Variants in AFF3 observed in about 807,000 individuals in gnomAD.
AFF3 encodes ALF transcription elongation factor 3.
AFF3 carries 32 observed loss-of-function variants against 129.7 expected under a neutral mutation model. That is an observed-to-expected ratio of 0.25 (90% CI 0.19 to 0.33). The LOEUF is 0.33. AFF3 is among the 10% of genes least tolerant of loss of function. AFF3 has a pLI of 1.00. For synonymous variants in AFF3, 644 were observed against 635.4 expected (o/e 1.01, Z -0.20); for missense variants, 1,373 against 1,592.0 (o/e 0.86, Z 2.34).
intron 8 of AFF3, among the ~76,000 whole-genome samples, chr2:99,811,416 TTTGG>T (rs1478257374): frequency 2.0e-5 from 3 of 152,114 alleles, no homozygotes; most frequent in African/African-American, 4.8e-5. Context: ...ACAGAGGTTT[TTTGG>T]TTTTTTTTTC....
In AFF3 at chr2:99,860,552, T is replaced by TCAAAAAACAAAAAA. The variant is rs57117369; in HGVS notation, c.874-23042_874-23029dup. Among the ~76,000 whole-genome samples, 6 of 148,814 alleles carry TCAAAAAACAAAAAA rather than the reference T, an allele frequency of 4.0e-5. No individual in the cohort carries two copies. The East Asian group carries it at 8.1e-4, about 20-fold the overall frequency. ...CAGGGCGACAGAGTGAGACTCTGTC[T>TCAAAAAACAAAAAA]CAAAAAACAAAAAACAAACAAAAAA... On this transcript the variant is annotated intron_variant, in intron 7 of 24. Coordinates refer to ENST00000672756, the MANE Select transcript of AFF3 (RefSeq NM_001386135.1).
chr2:99,879,312 A>G (rs1692523615), intron 7 of AFF3, among the ~76,000 whole-genome samples: 1 of 152,158 alleles, frequency 6.6e-6, no homozygotes, highest in African/African-American at 2.4e-5. Context: ...CCATAGTATC[A>G]CATCCATCTT....
chr2:99,999,344 G>A (rs1349589337), intron 7 of AFF3, among the ~76,000 whole-genome samples: 3 of 152,182 alleles, frequency 2.0e-5, no homozygotes, highest in East Asian at 3.8e-4. Context: ...GCCCCAACAC[G>A]GGAAGGCCCA....
At chr2:100,056,243 A>G (rs370772331) in intron 4 of AFF3, among the ~76,000 whole-genome samples, 3 of 152,144 alleles carry the variant, frequency 2.0e-5, no homozygotes, top group African/African-American at 7.2e-5. Context: ...CATTCCCTTC[A>G]TGTATCAGAC....
intron 9 of AFF3, among the ~76,000 whole-genome samples, chr2:99,745,211 T>C (rs1681053703): frequency 6.6e-6 from 1 of 152,194 alleles, no homozygotes; most frequent in Non-Finnish European, 1.5e-5. Flanking sequence ...TTGCCATTTT[T>C]TAATTGGTTT....
At chr2:99,592,653 G>A (rs1678801224) in intron 15 of AFF3, among the ~76,000 whole-genome samples, 1 of 152,236 alleles carries the variant, frequency 6.6e-6, no homozygotes, top group African/African-American at 2.4e-5. Context: ...GGGATAATAG[G>A]CTGGGCGTGG....
At chr2:99,698,461 T>G (rs1161017431) in intron 11 of AFF3, among the ~76,000 whole-genome samples, 1 of 152,244 alleles carries the variant, frequency 6.6e-6, no homozygotes, top group Non-Finnish European at 1.5e-5. Flanking sequence ...GTGTTGATTC[T>G]GGCTAACCAT....
intron 8 of AFF3, among the ~76,000 whole-genome samples, chr2:99,791,730 G>A (rs1685201399): frequency 6.6e-6 from 1 of 152,088 alleles, no homozygotes; most frequent in Non-Finnish European, 1.5e-5. Flanking sequence ...TTCCAGACAA[G>A]GCTGAAAAAG....
intron 7 of AFF3, among the ~76,000 whole-genome samples, chr2:99,948,256 C>T (rs1675825669): frequency 6.6e-6 from 1 of 151,988 alleles, no homozygotes; most frequent in African/African-American, 2.4e-5. Flanking sequence ...CACCTTTTTT[C>T]CCAAGATGGC....
At chr2:100,000,417 T>C (rs1234345619) in intron 7 of AFF3, among the ~76,000 whole-genome samples, 3 of 152,122 alleles carry the variant, frequency 2.0e-5, no homozygotes, top group South Asian at 2.1e-4. Flanking sequence ...TACTCAGGAT[T>C]TGTGATATTA....
chr2:99,580,981 T>C (rs1263741013), intron 17 of AFF3, among the ~76,000 whole-genome samples: 1 of 152,218 alleles, frequency 6.6e-6, no homozygotes, highest in East Asian at 1.9e-4. Context: ...GAGCTCCTAG[T>C]TCTTTGTGAG....
intron 13 of AFF3, among the ~76,000 whole-genome samples, chr2:99,620,681 T>C (rs965007446): frequency 6.6e-6 from 1 of 151,958 alleles, no homozygotes; most frequent in Non-Finnish European, 1.5e-5. Flanking sequence ...ATATTTGTCC[T>C]GTCCAAATCA....
intron 15 of AFF3, among the ~76,000 whole-genome samples, chr2:99,589,718 G>A (rs1209582684): frequency 1.3e-5 from 2 of 151,996 alleles, no homozygotes; most frequent in African/African-American, 4.8e-5. Context: ...GCATTTTCTA[G>A]ATGGAGAAAC....
rs573555347 is a variant in AFF3 at position 99,631,632 on chromosome 2, T to C, written c.1184+17994A>G. On this transcript the variant is annotated intron_variant, in intron 13 of 24. Coordinates refer to ENST00000672756, the MANE Select transcript of AFF3 (RefSeq NM_001386135.1). ...GTCCTTTTGTGACCATCTTCTATCA[T>C]TTAGCAAAATGTCCTCAAGATTCAT... Among the ~76,000 whole-genome samples, 19 of 152,364 alleles carry C rather than the reference T, an allele frequency of 1.2e-4. 1 individual carries two copies. Among genetic ancestry groups the C allele is most frequent in the African/African-American group, 4.6e-4 (19 of 41,590 alleles).
At chr2:100,098,215 A>G (rs1690422853) in intron 4 of AFF3, among the ~76,000 whole-genome samples, 1 of 149,616 alleles carries the variant, frequency 6.7e-6, no homozygotes, top group Non-Finnish European at 1.5e-5. Flanking sequence ...AGAAACCTCA[A>G]TTAAATTCCA....
At chr2:99,692,860 G>A (rs779273110) in intron 11 of AFF3, among the ~76,000 whole-genome samples, 1 of 152,242 alleles carries the variant, frequency 6.6e-6, no homozygotes, top group Non-Finnish European at 1.5e-5. Flanking sequence ...GTCTTAAGCT[G>A]TATCAGCTTC....
At chr2:99,623,748 T>C (rs1450206684) in intron 13 of AFF3, among the ~76,000 whole-genome samples, 1 of 152,184 alleles carries the variant, frequency 6.6e-6, no homozygotes, top group Non-Finnish European at 1.5e-5. Flanking sequence ...TGTCTGGGCC[T>C]GTGAGCCCTG....
At chr2:100,118,989 C>T (rs941432350) in intron 2 of AFF3, among the ~76,000 whole-genome samples, 10 of 152,008 alleles carry the variant, frequency 6.6e-5, no homozygotes, top group Non-Finnish European at 1.2e-4. Flanking sequence ...TTAGCAGAGA[C>T]GGGGTTTCAC....
intron 8 of AFF3, among the ~76,000 whole-genome samples, chr2:99,794,109 A>G (rs1374997892): frequency 6.6e-6 from 1 of 152,208 alleles, no homozygotes; most frequent in Non-Finnish European, 1.5e-5. Flanking sequence ...TTTTGGCCAG[A>G]AAACATATTC....
Sources: allele counts gnomAD v4.1 joint callset (sites outside exome capture counted in the v4.1 genomes callset), GRCh38; gene constraint gnomAD v4.1.1; transcripts MANE v1.5; gene names NCBI Gene and HGNC (gene_info 2026-07-23, HGNC 2026-07-21).